The following ATAD3B variants were observed in gnomAD, a reference collection of about 807,000 sequenced individuals.
ATAD3B encodes the protein ATPase family AAA domain containing 3B.
Under a neutral mutation model 70.2 loss-of-function variants are expected in ATAD3B, and 59 were observed. That is an observed-to-expected ratio of 0.84 (90% confidence interval 0.68 to 1.04). The LOEUF (loss-of-function observed/expected upper bound fraction) is 1.04, where lower values mean the gene tolerates loss of function less well. ATAD3B is among the 50% of genes least tolerant of loss of function. The pLI is 0.00. For missense variants in ATAD3B, 961 were observed against 913.4 expected, an observed-to-expected ratio of 1.05 and a Z score of -0.67; for synonymous variants, 423 against 388.6, an observed-to-expected ratio of 1.09 and a Z score of -1.04.
At chr1:1,478,135 T>A (rs1357852404) in intron 2 of ATAD3B, 2 of 238,328 alleles carry the variant, frequency 8.4e-6, no homozygotes, top group Non-Finnish European at 1.7e-5. Flanking sequence ...CAGCTGGGAC[T>A]ACAGGAGCCT....
chr1:1,478,439 C>T (rs1445916259), intron 2 of ATAD3B: 5 of 1,501,020 alleles, frequency 3.3e-6, no homozygotes, highest in African/African-American at 3.1e-5. Flanking sequence ...TCGCAGGCTT[C>T]TCTGCTGGTG....
At chr1:1,481,886 T>C (rs1639922304) in intron 5 of ATAD3B, among the ~76,000 whole-genome samples, 1 of 152,078 alleles carries the variant, frequency 6.6e-6, no homozygotes, top group African/African-American at 2.4e-5. Flanking sequence ...GGTCGGTCCA[T>C]GGCCTTAGCC....
At position 1,482,210 on chromosome 1, in the gene ATAD3B, G is replaced by C. The variant is rs372622398; in HGVS notation, c.587G>C (p.Arg196Pro). The C allele has an allele frequency of 6.2e-7, 1 of 1,611,052 alleles. No individual in the cohort carries two copies. Among genetic ancestry groups the C allele is most frequent in the Non-Finnish European group, 8.5e-7 (1 of 1,179,300 alleles). Residue 196 changes from arginine (R) to proline (P), a missense_variant, in exon 6 of 16, where the codon CGC becomes CCC. Transcript: ENST00000673477. ...MLRVETEARARAKAERENADI... is the reference protein window; with the variant it reads ...MLRVETEARAPAKAERENADI... ...CGAGTGGAGACCGAGGCCCGGGCGC[G>C]CGCCAAGGCCGAGCGGGAGAATGCA...
intron 1 of ATAD3B, among the ~76,000 whole-genome samples, chr1:1,474,994 A>G (rs1017814445): frequency 3.4e-5 from 5 of 148,950 alleles, no homozygotes; most frequent in Non-Finnish European, 7.4e-5. Flanking sequence ...CACTTCCAGA[A>G]GCTGAATCGT....
At chr1:1,474,807 G>A (rs1410977834) in intron 1 of ATAD3B, among the ~76,000 whole-genome samples, 1 of 151,840 alleles carries the variant, frequency 6.6e-6, no homozygotes, top group Non-Finnish European at 1.5e-5. Flanking sequence ...GGCCTTCCTC[G>A]GTAATTTTAA....
At chr1:1,500,760 T>C (rs1479189055), downstream of ATAD3B, among the ~76,000 whole-genome samples, 1 of 151,126 alleles carries the variant, frequency 6.6e-6, no homozygotes, top group African/African-American at 2.4e-5. Flanking sequence ...GAGACCATCC[T>C]GGCTAACAGG....
intron 4 of ATAD3B, among the ~76,000 whole-genome samples, chr1:1,480,651 G>A (rs1045330699): frequency 2.0e-5 from 3 of 147,142 alleles, no homozygotes; most frequent in Non-Finnish European, 1.5e-5. Flanking sequence ...GGCTGTTTCT[G>A]CCACTGGGGA....
chr1:1,498,010 A>G (rs1392708440), downstream of ATAD3B, among the ~76,000 whole-genome samples: 1 of 151,450 alleles, frequency 6.6e-6, no homozygotes, highest in Non-Finnish European at 1.5e-5. Flanking sequence ...TACAAAAAAT[A>G]CAAAAGAAAA....
At chr1:1,493,414 C>T (rs990271720) in intron 15 of ATAD3B, among the ~76,000 whole-genome samples, 2 of 151,860 alleles carry the variant, frequency 1.3e-5, no homozygotes, top group East Asian at 1.9e-4. Flanking sequence ...GTTCTTCAAT[C>T]CTGGTTTGTT....
At chr1:1,477,472 G>A in intron 2 of ATAD3B, 122 bp downstream of exon 2, 4 of 1,497,008 alleles carry the variant, frequency 2.7e-6, no homozygotes, top group Non-Finnish European at 1.8e-6. Context: ...GTGGGGCCAG[G>A]GCCGAGCTTG....
At chr1:1,500,215 G>A (rs374798714), downstream of ATAD3B, among the ~76,000 whole-genome samples, 7 of 145,584 alleles carry the variant, frequency 4.8e-5, no homozygotes, top group South Asian at 2.3e-4. Flanking sequence ...ATAACTTATA[G>A]CAAACTTTAC....
At chr1:1,500,676 G>A (rs1239574476), downstream of ATAD3B, among the ~76,000 whole-genome samples, 1 of 151,604 alleles carries the variant, frequency 6.6e-6, no homozygotes, top group Non-Finnish European at 1.5e-5. Flanking sequence ...ACTTCAGGCA[G>A]GGCGCAGTGG....
chr1:1,495,230 C>T (rs560973706), intron 15 of ATAD3B, among the ~76,000 whole-genome samples: 4 of 152,104 alleles, frequency 2.6e-5, no homozygotes, highest in African/African-American at 9.6e-5. Context: ...GGTGCTCCGC[C>T]TTGGGTTTTC....
chr1:1,489,644 C>T, intron 13 of ATAD3B: 4 of 1,346,056 alleles, frequency 3.0e-6, no homozygotes, highest in Admixed American at 2.2e-5. Flanking sequence ...CCTCTTCCCT[C>T]CCAAATCCCT....
At chr1:1,506,093 CATG>C in the ATAD3B span, among the ~76,000 whole-genome samples, 1 of 152,034 alleles carries the variant, frequency 6.6e-6, no homozygotes, top group Non-Finnish European at 1.5e-5. Flanking sequence ...ATCAGCCAGG[CATG>C]GTGGTGTGTG....
Position 1,481,047 on chromosome 1 carries a change from A to C in ATAD3B, c.514+111A>C, listed in dbSNP as rs1332068840. The C allele has an allele frequency of 2.5e-5, 38 of 1,523,872 alleles. 5 individuals carry two copies. The Admixed American group carries it at 3.3e-4, about 13-fold the overall frequency. 94.4% of individuals were successfully genotyped at this position (1,523,872 alleles called of 1,614,324 possible). On this transcript the variant is annotated intron_variant, in intron 5 of 15. Coordinates refer to ENST00000673477, the MANE Select transcript of ATAD3B (RefSeq NM_031921.6). ...CCCGGCCCCTCATAGCTACCAGTGC[A>C]GTGGGCGAGGCCTGCTGGGGCTCTG...
downstream of ATAD3B, among the ~76,000 whole-genome samples, chr1:1,499,853 C>T (rs569866387): frequency 5.3e-5 from 8 of 151,248 alleles, 1 homozygote; most frequent in East Asian, 9.8e-4. Context: ...CTCGGCCTCC[C>T]GAAGTGCCGG....
intron 13 of ATAD3B, chr1:1,489,828 C>A: frequency 2.4e-6 from 3 of 1,251,270 alleles, no homozygotes; most frequent in Non-Finnish European, 3.1e-6. Context: ...CCCAGAGAGG[C>A]AAGGCTGGGG....
At position 1,490,293 on chromosome 1, in the gene ATAD3B, G is replaced by C; in HGVS notation, c.1374G>C (p.Gln458His). Reference protein sequence around the residue: ...MLVLASNLPEQFDCAINSRID... With the variant: ...MLVLASNLPEHFDCAINSRID... ...TCCTGGCCAGCAATCTGCCTGAGCA[G>C]TTCGACTGTGCCATCAACAGCCGCA... is the stretch of plus-strand genomic sequence containing the variant. The change falls in exon 14 of 16, where the codon CAG becomes CAC. Residue 458 changes from glutamine to histidine, a missense_variant. Around this residue, in one of 4 missense-constraint regions of ATAD3B, gnomAD observed 417 missense variants for 335.0 expected, o/e 1.24. Transcript: ENST00000673477. The C allele has an allele frequency of 1.2e-6, 2 of 1,613,084 alleles. No individual in the cohort carries two copies. Among genetic ancestry groups the C allele is most frequent in the Non-Finnish European group, 1.7e-6 (2 of 1,179,616 alleles).
Sources: gnomAD v4.1 joint callset for allele counts (sites outside exome capture counted in the v4.1 genomes callset) on GRCh38, gnomAD v4.1.1 for gene constraint, gnomAD v4.1.1 regional missense constraint, MANE v1.5 for transcripts, NCBI Gene and HGNC (gene_info 2026-07-23, HGNC 2026-07-21) for gene names.